SNTG1: variants seen among roughly 807,000 people sequenced by gnomAD.
The protein encoded by SNTG1 is syntrophin gamma 1.
Under a neutral mutation model 74.7 loss-of-function variants are expected in SNTG1, and 39 were observed. The ratio of observed to expected loss-of-function variants is 0.52; its 90% CI spans 0.40 to 0.68. The LOEUF (loss-of-function observed/expected upper bound fraction) is 0.68, where lower values mean the gene tolerates loss of function less well. SNTG1 is among the 30% of genes least tolerant of loss of function. SNTG1 has a pLI of 0.00. For missense variants in SNTG1, 685 were observed against 609.5 expected, an observed-to-expected ratio of 1.12 and a Z score of -1.30; for synonymous variants, 254 against 217.1, an observed-to-expected ratio of 1.17 and a Z score of -1.49.
At chr8:50,450,858 A>T in intron 8 of SNTG1, 129 bp downstream of exon 8, 1 of 916,376 alleles carries the variant, frequency 1.1e-6, no homozygotes, top group South Asian at 1.8e-5. Context: ...CAAATTTTCA[A>T]ATGTTCTCTT....
intron 8 of SNTG1, among the ~76,000 whole-genome samples, chr8:50,468,671 G>T (rs1343963011): frequency 6.6e-6 from 1 of 151,996 alleles, no homozygotes; most frequent in Non-Finnish European, 1.5e-5. Context: ...TGTTTGTAAT[G>T]TTTCTCTATT....
At chr8:50,032,413 A>G (rs1284094756) in intron 1 of SNTG1, among the ~76,000 whole-genome samples, 2 of 152,086 alleles carry the variant, frequency 1.3e-5, no homozygotes, top group Non-Finnish European at 2.9e-5. Flanking sequence ...TTCTTTTAAT[A>G]TAAACATTTA....
intron 1 of SNTG1, among the ~76,000 whole-genome samples, chr8:50,042,628 C>T (rs1190072511): frequency 6.6e-6 from 1 of 152,138 alleles, no homozygotes; most frequent in African/African-American, 2.4e-5. Flanking sequence ...GTGATCATAG[C>T]TCTTTGCAGC....
intron 1 of SNTG1, among the ~76,000 whole-genome samples, chr8:50,122,556 G>A (rs949031496): frequency 2.8e-5 from 4 of 141,870 alleles, no homozygotes; most frequent in African/African-American, 5.1e-5. Context: ...ATTGAGGCTC[G>A]TAGCTCATAT....
At chr8:49,972,926 C>A (rs1367876356) in intron 1 of SNTG1, among the ~76,000 whole-genome samples, 3 of 152,142 alleles carry the variant, frequency 2.0e-5, no homozygotes, top group African/African-American at 7.2e-5. Flanking sequence ...GGACTGTAAA[C>A]TAATTCAACC....
At chr8:49,981,970 C>T (rs951261490) in intron 1 of SNTG1, among the ~76,000 whole-genome samples, 7 of 150,580 alleles carry the variant, frequency 4.6e-5, no homozygotes, top group South Asian at 2.1e-4. Flanking sequence ...AATTTTTTAC[C>T]GCAGGTCCTT....
chr8:50,217,034 A>G (rs910193361), intron 2 of SNTG1, among the ~76,000 whole-genome samples: 1 of 151,522 alleles, frequency 6.6e-6, no homozygotes, highest in Non-Finnish European at 1.5e-5. Flanking sequence ...TAAGTTTATT[A>G]GTATTGAAAA....
chr8:50,715,336 T>C (rs1458349693), intron 17 of SNTG1, among the ~76,000 whole-genome samples: 1 of 152,222 alleles, frequency 6.6e-6, no homozygotes, highest in Non-Finnish European at 1.5e-5. Flanking sequence ...TCTAGAATAC[T>C]AGGTCCCCCA....
At chr8:50,784,316 A>G (rs2095668487) in intron 18 of SNTG1, among the ~76,000 whole-genome samples, 1 of 152,220 alleles carries the variant, frequency 6.6e-6, no homozygotes, top group Non-Finnish European at 1.5e-5. Context: ...ATAGCTAAAC[A>G]CACATGTAGG....
At chr8:49,948,375 A>T (rs1195073836) in intron 1 of SNTG1, among the ~76,000 whole-genome samples, 1 of 152,166 alleles carries the variant, frequency 6.6e-6, no homozygotes, top group Non-Finnish European at 1.5e-5. Context: ...GAACCTTAAA[A>T]TTGTTTCGAT....
chr8:50,046,460 A>G (rs985934379), intron 1 of SNTG1, among the ~76,000 whole-genome samples: 2 of 152,228 alleles, frequency 1.3e-5, no homozygotes, highest in African/African-American at 4.8e-5. Flanking sequence ...GAAAGATAAC[A>G]TATTATTTTA....
At chr8:50,141,439 C>T (rs1298433688) in intron 1 of SNTG1, among the ~76,000 whole-genome samples, 2 of 152,028 alleles carry the variant, frequency 1.3e-5, no homozygotes, top group African/African-American at 4.8e-5. Context: ...TAGCATTTTC[C>T]TAATGATTAA....
intron 2 of SNTG1, among the ~76,000 whole-genome samples, chr8:50,194,205 C>T (rs188239173): frequency 6.6e-6 from 1 of 152,218 alleles, no homozygotes; most frequent in East Asian, 1.9e-4. Context: ...GGGAGGTTTC[C>T]TTCTTCCTCT....
At chr8:50,234,137 A>ACT (rs2085773460) in intron 2 of SNTG1, among the ~76,000 whole-genome samples, 1 of 151,982 alleles carries the variant, frequency 6.6e-6, no homozygotes, top group East Asian at 1.9e-4. Context: ...ATAGCCAAAG[A>ACT]CTGGAAATAA....
chr8:50,163,659 A>T (rs1018606211), intron 1 of SNTG1: 13 of 151,886 alleles, frequency 8.6e-5, no homozygotes, highest in Admixed American at 7.2e-4. Flanking sequence ...CAATTTGTGT[A>T]TTTTAATACA....
intron 1 of SNTG1, among the ~76,000 whole-genome samples, chr8:49,963,862 C>G (rs1444865028): frequency 6.6e-6 from 1 of 152,206 alleles, no homozygotes; most frequent in East Asian, 1.9e-4. Flanking sequence ...GTTTGTAAAT[C>G]TTTTCAATTT....
At chr8:50,654,141 T>C (rs2095166056) in intron 13 of SNTG1, among the ~76,000 whole-genome samples, 1 of 152,214 alleles carries the variant, frequency 6.6e-6, no homozygotes, top group South Asian at 2.1e-4. Context: ...TGAAAATTCT[T>C]AGCCATCATC....
At chr8:50,198,090 G>A (rs2083845639) in intron 2 of SNTG1, among the ~76,000 whole-genome samples, 1 of 152,030 alleles carries the variant, frequency 6.6e-6, no homozygotes, top group Non-Finnish European at 1.5e-5. Flanking sequence ...TTTTCAGAAT[G>A]AGCCCCATAT....
intron 1 of SNTG1, among the ~76,000 whole-genome samples, chr8:50,087,330 C>T (rs1408791080): frequency 6.6e-6 from 1 of 152,110 alleles, no homozygotes; most frequent in African/African-American, 2.4e-5. Context: ...GCTCAATTAC[C>T]CCTCGGCTTT....
Sources: allele counts gnomAD v4.1 joint callset (sites outside exome capture counted in the v4.1 genomes callset), GRCh38; gene constraint gnomAD v4.1.1; transcripts MANE v1.5; gene names NCBI Gene and HGNC (gene_info 2026-07-23, HGNC 2026-07-21).